Variants in FAM107B observed in about 807,000 individuals in gnomAD.
FAM107B encodes protein FAM107B.
Under a neutral mutation model 31.5 loss-of-function variants are expected in FAM107B, and 21 were observed. The observed-to-expected ratio is 0.67, with a 90% confidence interval of 0.47 to 0.96. The LOEUF is 0.96. FAM107B is among the 40% of genes least tolerant of loss of function. The pLI, the probability that FAM107B is intolerant of heterozygous loss-of-function variation, is 0.00. For synonymous variants in FAM107B, 157 were observed against 141.5 expected, an observed-to-expected ratio of 1.11 and a Z score of -0.78; for missense variants, 452 against 377.1, an observed-to-expected ratio of 1.20 and a Z score of -1.64.
chr10:14,574,087 C>A (rs1346858168), intron 2 of FAM107B, among the ~76,000 whole-genome samples: 1 of 152,178 alleles, frequency 6.6e-6, no homozygotes, highest in Non-Finnish European at 1.5e-5. Context: ...AATGCAAAAT[C>A]TCAGTTCAGT....
At chr10:14,572,636 A>C (rs189525661) in intron 2 of FAM107B, among the ~76,000 whole-genome samples, 36 of 150,556 alleles carry the variant, frequency 2.4e-4, no homozygotes, top group African/African-American at 8.9e-4. Flanking sequence ...GCTTGTACCC[A>C]GGAGTTTGAG....
At chr10:14,627,257 C>G (rs1024581744) in intron 2 of FAM107B, among the ~76,000 whole-genome samples, 3 of 152,130 alleles carry the variant, frequency 2.0e-5, no homozygotes, top group Admixed American at 6.5e-5. Flanking sequence ...CTGATTCTAC[C>G]AAAACATACT....
At chr10:14,611,690 T>C (rs1852731584) in intron 2 of FAM107B, among the ~76,000 whole-genome samples, 1 of 151,840 alleles carries the variant, frequency 6.6e-6, no homozygotes. Context: ...TAGTTATTTC[T>C]GTAGTCCAGA....
At chr10:14,602,384 A>C (rs1033170431) in intron 2 of FAM107B, 5 of 152,238 alleles carry the variant, frequency 3.3e-5, no homozygotes, top group Admixed American at 6.5e-5. Context: ...CATATTAGAG[A>C]ATTCAAAAGT....
At chr10:14,683,494 C>T (rs1337564575) in intron 1 of FAM107B, among the ~76,000 whole-genome samples, 1 of 152,138 alleles carries the variant, frequency 6.6e-6, no homozygotes, top group East Asian at 1.9e-4. Flanking sequence ...GAAAGTTTGA[C>T]GCAATCTTTT....
At chr10:14,618,332 G>C (rs1399782373) in intron 2 of FAM107B, among the ~76,000 whole-genome samples, 1 of 152,064 alleles carries the variant, frequency 6.6e-6, no homozygotes, top group Admixed American at 6.6e-5. Flanking sequence ...TTGCAGTTTG[G>C]GGTGACTATG....
chr10:14,609,042 T>A (rs1474241699), intron 2 of FAM107B, among the ~76,000 whole-genome samples: 1 of 152,252 alleles, frequency 6.6e-6, no homozygotes, highest in African/African-American at 2.4e-5. Flanking sequence ...ATTGGCCTCA[T>A]GGCCTCAATT....
At chr10:14,616,899 A>G (rs1029051177) in intron 2 of FAM107B, among the ~76,000 whole-genome samples, 4 of 152,186 alleles carry the variant, frequency 2.6e-5, no homozygotes, top group Admixed American at 2.6e-4. Flanking sequence ...AGCCTGGGTG[A>G]CACAGGGAGA....
chr10:14,593,601 G>A (rs1340768012), intron 2 of FAM107B, among the ~76,000 whole-genome samples: 7 of 152,016 alleles, frequency 4.6e-5, no homozygotes, highest in Non-Finnish European at 1.0e-4. Context: ...GGCTGAGGCA[G>A]GAGAATCGCT....
At chr10:14,758,777 G>A (rs1832979123) in intron 1 of FAM107B, among the ~76,000 whole-genome samples, 1 of 151,340 alleles carries the variant, frequency 6.6e-6, no homozygotes, top group Non-Finnish European at 1.5e-5. Flanking sequence ...TTGGGAGGCT[G>A]AGGCGAGAGG....
intron 1 of FAM107B, among the ~76,000 whole-genome samples, chr10:14,697,049 A>G (rs1855282661): frequency 6.6e-6 from 1 of 152,142 alleles, no homozygotes; most frequent in Non-Finnish European, 1.5e-5. Flanking sequence ...GAGAGAGAGA[A>G]AAAAAATGGG....
At chr10:14,630,258 C>G (rs1300135616) in intron 2 of FAM107B, among the ~76,000 whole-genome samples, 1 of 145,002 alleles carries the variant, frequency 6.9e-6, no homozygotes, top group African/African-American at 2.6e-5. Flanking sequence ...GTTCACTATG[C>G]CTCACTTCTC....
chr10:14,612,055 G>A (rs1456439133), intron 2 of FAM107B, among the ~76,000 whole-genome samples: 1 of 152,026 alleles, frequency 6.6e-6, no homozygotes, highest in Non-Finnish European at 1.5e-5. Context: ...TAGTTGTTGT[G>A]CTCCCCAGGC....
At chr10:14,672,827 C>G (rs548940978) in intron 1 of FAM107B, among the ~76,000 whole-genome samples, 1 of 152,194 alleles carries the variant, frequency 6.6e-6, no homozygotes. Flanking sequence ...CTTAAAAACA[C>G]GAACCAAATA....
At chr10:14,720,238 G>A (rs1417792953) in intron 1 of FAM107B, among the ~76,000 whole-genome samples, 1 of 152,240 alleles carries the variant, frequency 6.6e-6, no homozygotes, top group East Asian at 1.9e-4. Context: ...CCAGTAAAAA[G>A]ACATATGTTT....
intron 1 of FAM107B, among the ~76,000 whole-genome samples, chr10:14,754,798 C>A (rs964646733): frequency 1.3e-5 from 2 of 152,234 alleles, no homozygotes; most frequent in African/African-American, 4.8e-5. Flanking sequence ...AGGTACAGCA[C>A]ATCTGCTGTG....
chr10:14,729,679 C>T (rs1415655168), intron 1 of FAM107B, among the ~76,000 whole-genome samples: 1 of 152,162 alleles, frequency 6.6e-6, no homozygotes, highest in Non-Finnish European at 1.5e-5. Context: ...CCAGCGATCC[C>T]ATTACTGGGT....
Position 14,628,112 on chromosome 10 carries a change from G to GGTTTTTTTTGTTTTTTTTTTTTTTTTT in FAM107B, c.469+39521_469+39522insAAAAAAAAAAAAAAAAACAAAAAAAAC, listed in dbSNP as rs1440347763. ...TCCTTGTTTGTTTTTTGTTTTGCTG[G>GGTTTTTTTTGTTTTTTTTTTTTTTTTT]TTTTTTTTTTTTTTTTTTTTTGAGA... is the stretch of plus-strand genomic sequence containing the variant. On this transcript the variant is annotated intron_variant, in intron 2 of 4. Transcript: ENST00000181796. Among the ~76,000 whole-genome samples the GGTTTTTTTTGTTTTTTTTTTTTTTTTT allele has an allele frequency of 6.5e-5, 6 of 92,676 alleles. No individual in the cohort carries two copies. In the East Asian group the frequency reaches 1.3e-3, roughly 20 times the overall value. 60.8% of individuals were successfully genotyped at this position (92,676 alleles called of 152,430 possible). A position where few individuals can be genotyped will look rare whatever the true frequency, so the allele number is the denominator to read the frequency against.
At chr10:14,723,561 A>G in intron 1 of FAM107B, 1 of 654,436 alleles carries the variant, frequency 1.5e-6, no homozygotes, top group Non-Finnish European at 2.8e-6. Flanking sequence ...GAGCTCCCTT[A>G]CTGTTGCATG....
Sources: gnomAD v4.1 joint callset for allele counts (sites outside exome capture counted in the v4.1 genomes callset) on GRCh38, gnomAD v4.1.1 for gene constraint, MANE v1.5 for transcripts, NCBI Gene and HGNC (gene_info 2026-07-23, HGNC 2026-07-21) for gene names.